PTPRN2: variants seen among roughly 807,000 people sequenced by gnomAD.
PTPRN2 encodes protein tyrosine phosphatase receptor type N2.
Under a neutral mutation model 118.8 loss-of-function variants are expected in PTPRN2, and 74 were observed. That is an observed-to-expected ratio of 0.62 (90% CI 0.52 to 0.76). The LOEUF (loss-of-function observed/expected upper bound fraction) is 0.76, where lower values mean the gene tolerates loss of function less well. Among genes scored for constraint, PTPRN2 ranks in the 30% least tolerant of loss-of-function variants. The pLI is 0.00. For missense variants in PTPRN2, 1,481 were observed against 1,394.4 expected, an observed-to-expected ratio of 1.06 and a Z score of -0.99; for synonymous variants, 641 against 608.0, an observed-to-expected ratio of 1.05 and a Z score of -0.80.
intron 11 of PTPRN2, among the ~76,000 whole-genome samples, chr7:158,071,037 GTA>G (rs1491378760): frequency 9.9e-5 from 5 of 50,732 alleles, no homozygotes; most frequent in African/African-American, 4.4e-4. Flanking sequence ...GGTGCTCTTA[GTA>G]TGGAGGTGCT....
intron 12 of PTPRN2, among the ~76,000 whole-genome samples, chr7:157,835,985 A>G (rs547937966): frequency 2.3e-4 from 35 of 152,306 alleles, no homozygotes; most frequent in African/African-American, 7.9e-4. Context: ...AGACACAGAC[A>G]AGCCTGGCAG....
At chr7:158,326,921 G>A (rs1442532592) in intron 2 of PTPRN2, among the ~76,000 whole-genome samples, 3 of 134,666 alleles carry the variant, frequency 2.2e-5, no homozygotes, top group Non-Finnish European at 3.2e-5. Flanking sequence ...ATGCTCACAC[G>A]TTCTCACATG....
At chr7:158,125,005 A>AGAGGGGAG in intron 9 of PTPRN2, among the ~76,000 whole-genome samples, 1 of 152,214 alleles carries the variant, frequency 6.6e-6, no homozygotes, top group East Asian at 1.9e-4. Context: ...GGAGAAGGGA[A>AGAGGGGAG]GAGGGGAGAA....
chr7:157,542,036 G>C (rs962304739), intron 22 of PTPRN2, among the ~76,000 whole-genome samples: 1 of 152,202 alleles, frequency 6.6e-6, no homozygotes, highest in East Asian at 1.9e-4. Context: ...GGGACCCGGG[G>C]AGATGTGTCT....
chr7:157,644,962 A>G (rs1804962440), intron 14 of PTPRN2, among the ~76,000 whole-genome samples: 1 of 152,236 alleles, frequency 6.6e-6, no homozygotes, highest in African/African-American at 2.4e-5. Context: ...TCTGGACAGG[A>G]CAAGAACTCT....
intron 12 of PTPRN2, among the ~76,000 whole-genome samples, chr7:157,716,209 G>A (rs996167932): frequency 2.0e-5 from 3 of 152,258 alleles, no homozygotes; most frequent in African/African-American, 4.8e-5. Context: ...CTGAGTCCTC[G>A]TCCTAAGAAG....
At chr7:158,238,163 A>G (rs1357441111) in intron 3 of PTPRN2, among the ~76,000 whole-genome samples, 2 of 152,100 alleles carry the variant, frequency 1.3e-5, no homozygotes, top group East Asian at 3.9e-4. Flanking sequence ...CTGATTGGAA[A>G]AGGACGCCCT....
chr7:157,918,168 T>C (rs1380017981), intron 11 of PTPRN2, among the ~76,000 whole-genome samples: 1 of 152,170 alleles, frequency 6.6e-6, no homozygotes, highest in African/African-American at 2.4e-5. Context: ...TCTGAAATGG[T>C]AAATGTAAAG....
intron 6 of PTPRN2, among the ~76,000 whole-genome samples, chr7:158,138,947 G>A (rs142245983): frequency 7.0e-6 from 1 of 143,254 alleles, no homozygotes; most frequent in African/African-American, 3.0e-5. Flanking sequence ...CCCTGCCCAG[G>A]ACACCCTGCC....
intron 2 of PTPRN2, among the ~76,000 whole-genome samples, chr7:158,435,778 T>C (rs895541875): frequency 4.6e-5 from 7 of 152,150 alleles, no homozygotes; most frequent in African/African-American, 1.7e-4. Context: ...AGTGACAGCA[T>C]AGATGAACCT....
At chr7:157,706,508 TC>T (rs1168301283) in intron 12 of PTPRN2, among the ~76,000 whole-genome samples, 2 of 150,762 alleles carry the variant, frequency 1.3e-5, no homozygotes, top group Non-Finnish European at 2.9e-5. Context: ...AGGGACCACA[TC>T]CCTCTAGAAT....
rs1346451833 is a variant in PTPRN2 at position 158,135,700 on chromosome 7, C to T, written c.1173+955G>A. 2.0e-5 allele frequency among the ~76,000 whole-genome samples: 3 copies of T among 152,150 alleles called. No homozygotes were observed. In the South Asian group the frequency reaches 6.2e-4, roughly 32 times the overall value. ...TAAATTAGGAAATGTGTTTCTCAGCCCCACTTCTCCCTCCACAGCTCAGAC... is the reference window on the plus strand; with the variant it reads ...TAAATTAGGAAATGTGTTTCTCAGCTCCACTTCTCCCTCCACAGCTCAGAC... On this transcript the variant is annotated intron_variant, in intron 8 of 22. Coordinates refer to ENST00000389418, the MANE Select transcript of PTPRN2 (RefSeq NM_002847.5).
intron 12 of PTPRN2, among the ~76,000 whole-genome samples, chr7:157,742,804 C>T (rs1305375782): frequency 6.6e-6 from 1 of 152,232 alleles, no homozygotes; most frequent in East Asian, 1.9e-4. Flanking sequence ...GACACAGTCT[C>T]AGTGAGATGA....
At chr7:157,543,549 C>T (rs934279255) in intron 22 of PTPRN2, among the ~76,000 whole-genome samples, 2 of 152,240 alleles carry the variant, frequency 1.3e-5, no homozygotes, top group South Asian at 2.1e-4. Flanking sequence ...CTCGGACACC[C>T]GCTGCTGGGG....
chr7:157,869,960 G>A lies in PTPRN2; in HGVS notation c.1788+28713C>T, dbSNP rs1563191371. On this transcript the variant is annotated intron_variant, in intron 12 of 22. Transcript: ENST00000389418. This position sits in a 1 kb window ranked among gnomAD's most constrained non-coding sequence, Gnocchi z 4.2. ...TGATCAGTCTGCTGTTGCTTCGATGGGACCCCTTCCGCCTCTCGGTAGCCA... is the reference window on the plus strand; with the variant it reads ...TGATCAGTCTGCTGTTGCTTCGATGAGACCCCTTCCGCCTCTCGGTAGCCA... 6.6e-6 allele frequency among the ~76,000 whole-genome samples: 1 copy of A among 152,224 alleles called. No individual in the cohort carries two copies. The highest frequency in any genetic ancestry group is 1.9e-4 in the East Asian group (1 of 5,186).
chr7:157,866,743 G>A (rs1010945512), intron 12 of PTPRN2, among the ~76,000 whole-genome samples: 13 of 151,626 alleles, frequency 8.6e-5, no homozygotes, highest in African/African-American at 2.9e-4. Context: ...CCTGTGCCCC[G>A]AGATGCACGG....
At chr7:158,150,531 C>A (rs914161831) in intron 6 of PTPRN2, among the ~76,000 whole-genome samples, 2 of 152,136 alleles carry the variant, frequency 1.3e-5, no homozygotes, top group Non-Finnish European at 2.9e-5. Context: ...TCCCAGTATT[C>A]ACCAGCTCCT....
chr7:158,351,610 C>T (rs1448271243), intron 2 of PTPRN2, among the ~76,000 whole-genome samples: 1 of 152,164 alleles, frequency 6.6e-6, no homozygotes, highest in African/African-American at 2.4e-5. Context: ...GAAGGAATGA[C>T]CTTATTAACG....
At chr7:158,482,332 A>ATT (rs1454555462) in intron 2 of PTPRN2, among the ~76,000 whole-genome samples, 1 of 152,228 alleles carries the variant, frequency 6.6e-6, no homozygotes, top group African/African-American at 2.4e-5. Flanking sequence ...CTGCAAAGAA[A>ATT]TCTTTCATGA....
Sources: gnomAD v4.1 joint callset for allele counts (sites outside exome capture counted in the v4.1 genomes callset) on GRCh38, gnomAD v4.1.1 for gene constraint, Gnocchi (gnomAD v3.1) non-coding constraint, MANE v1.5 for transcripts, NCBI Gene and HGNC (gene_info 2026-07-23, HGNC 2026-07-21) for gene names.